The following ROBO2 variants were observed in gnomAD, a reference collection of about 807,000 sequenced individuals.
ROBO2 encodes roundabout homolog 2.
A neutral mutation model predicts 160.8 loss-of-function variants in ROBO2; 53 were observed. That is an observed-to-expected ratio of 0.33 (90% CI 0.26 to 0.41). The LOEUF (loss-of-function observed/expected upper bound fraction) is 0.41. Ranked by LOEUF, ROBO2 falls within the 10% of genes least tolerant of loss-of-function variation. ROBO2 has a pLI of 1.00. For missense variants in ROBO2, 1,577 were observed against 1,722.4 expected (o/e 0.92, Z 1.49); for synonymous variants, 664 against 611.7 (o/e 1.09, Z -1.26).
chr3:76,609,541 A>G (rs1475878943), intron 2 of ROBO2, among the ~76,000 whole-genome samples: 2 of 152,090 alleles, frequency 1.3e-5, no homozygotes, highest in East Asian at 3.9e-4. Context: ...GGCATATAGA[A>G]ATGCTACTGA....
At chr3:76,941,928 C>A (rs1028794040) in intron 2 of ROBO2, among the ~76,000 whole-genome samples, 2 of 152,080 alleles carry the variant, frequency 1.3e-5, no homozygotes, top group Non-Finnish European at 2.9e-5. Context: ...AAAGTGAATT[C>A]TCTTAGCCTA....
intron 2 of ROBO2, among the ~76,000 whole-genome samples, chr3:76,918,818 C>T (rs1488503507): frequency 7.9e-5 from 12 of 152,292 alleles, no homozygotes; most frequent in East Asian, 1.9e-4. Context: ...TCCACATCCT[C>T]GCCAGCATTG....
intron 2 of ROBO2, among the ~76,000 whole-genome samples, chr3:76,745,681 A>T (rs1439537691): frequency 6.6e-6 from 1 of 151,988 alleles, no homozygotes; most frequent in African/African-American, 2.4e-5. Flanking sequence ...TTCTTTATAT[A>T]TTGGAGGACA....
intron 2 of ROBO2, among the ~76,000 whole-genome samples, chr3:76,809,589 G>A (rs2065004211): frequency 1.3e-5 from 2 of 152,124 alleles, no homozygotes. Context: ...GCAACTTTAG[G>A]AGTCACAAAA....
intron 2 of ROBO2, among the ~76,000 whole-genome samples, chr3:76,905,009 C>T (rs552292899): frequency 6.6e-6 from 1 of 152,292 alleles, no homozygotes; most frequent in Admixed American, 6.5e-5. Flanking sequence ...AGGAAACATA[C>T]AGGCTACCTC....
chr3:77,493,388 A>C lies in ROBO2; in HGVS notation c.806+6A>C, dbSNP rs554145423. The C allele has an allele frequency of 6.2e-7, 1 of 1,613,980 alleles. No homozygotes were observed. On this transcript the variant is annotated splice_donor_region_variant and intron_variant, in intron 5 of 25. Transcript: ENST00000461745. ...GCAGACTTGCCAAGAGGAAGGTAAG[A>C]CCAACATATGGATGGAAGATTGTTA...
At chr3:76,565,380 C>A (rs535837285) in intron 2 of ROBO2, among the ~76,000 whole-genome samples, 8 of 152,200 alleles carry the variant, frequency 5.3e-5, no homozygotes, top group African/African-American at 1.9e-4. Flanking sequence ...CACTGACATA[C>A]GATAGCCACA....
chr3:76,428,697 T>C (rs762604885), intron 2 of ROBO2, among the ~76,000 whole-genome samples: 2 of 152,174 alleles, frequency 1.3e-5, no homozygotes, highest in African/African-American at 2.4e-5. Flanking sequence ...TATATTAGAT[T>C]TGGTTTTACA....
chr3:77,627,465 A>G (rs1164760142), intron 23 of ROBO2, among the ~76,000 whole-genome samples: 1 of 150,952 alleles, frequency 6.6e-6, no homozygotes, highest in African/African-American at 2.4e-5. Context: ...TTGTATTTTT[A>G]GTAGATACGG....
chr3:76,760,768 CA>C (rs2061261538), intron 2 of ROBO2, among the ~76,000 whole-genome samples: 1 of 151,644 alleles, frequency 6.6e-6, no homozygotes, highest in African/African-American at 2.4e-5. Context: ...TAGCTGATAA[CA>C]AACATGATAT....
At chr3:76,133,923 G>T (rs946467549) in intron 2 of ROBO2, among the ~76,000 whole-genome samples, 1 of 151,970 alleles carries the variant, frequency 6.6e-6, no homozygotes, top group African/African-American at 2.4e-5. Context: ...GCACTACTTT[G>T]CATCCTTCAG....
At chr3:77,399,876 A>G (rs1267686660) in intron 2 of ROBO2, among the ~76,000 whole-genome samples, 1 of 152,176 alleles carries the variant, frequency 6.6e-6, no homozygotes, top group East Asian at 1.9e-4. Context: ...CCTAACTCAC[A>G]CAGCTCTAGG....
chr3:76,690,535 C>A (rs760616619), intron 2 of ROBO2, among the ~76,000 whole-genome samples: 24 of 152,144 alleles, frequency 1.6e-4, no homozygotes, highest in East Asian at 3.9e-4. Flanking sequence ...AACTTCCCAG[C>A]CCCAGAACTG....
chr3:76,175,904 C>T (rs2073212378), intron 2 of ROBO2, among the ~76,000 whole-genome samples: 1 of 152,086 alleles, frequency 6.6e-6, no homozygotes, highest in South Asian at 2.1e-4. Flanking sequence ...GTTTTTCTTT[C>T]CACCTTTTAG....
intron 2 of ROBO2, among the ~76,000 whole-genome samples, chr3:76,175,379 G>A (rs1217374930): frequency 1.3e-5 from 2 of 151,790 alleles, no homozygotes; most frequent in Non-Finnish European, 2.9e-5. Context: ...CATGCTAATT[G>A]TTTTAAGCTT....
chr3:75,997,339 A>G (rs2065757675), intron 2 of ROBO2, among the ~76,000 whole-genome samples: 1 of 152,194 alleles, frequency 6.6e-6, no homozygotes, highest in South Asian at 2.1e-4. Flanking sequence ...AGTTGAAGTT[A>G]CTTATATTTG....
chr3:76,421,216 A>G (rs1441824888), intron 2 of ROBO2, among the ~76,000 whole-genome samples: 7 of 152,346 alleles, frequency 4.6e-5, no homozygotes, highest in African/African-American at 1.7e-4. Flanking sequence ...GTAACAATAC[A>G]TGAAAATTTC....
intron 2 of ROBO2, among the ~76,000 whole-genome samples, chr3:76,478,283 C>G (rs921780953): frequency 1.3e-5 from 2 of 148,330 alleles, no homozygotes; most frequent in South Asian, 2.1e-4. Context: ...GCGGTGTTTG[C>G]TTTTTTGTTC....
intron 2 of ROBO2, among the ~76,000 whole-genome samples, chr3:76,584,133 C>T (rs2085877422): frequency 1.3e-5 from 2 of 152,094 alleles, no homozygotes; most frequent in African/African-American, 4.8e-5. Context: ...TCTTTACTGC[C>T]TGTCACTCCC....
Sources: allele counts gnomAD v4.1 joint callset (sites outside exome capture counted in the v4.1 genomes callset), GRCh38; gene constraint gnomAD v4.1.1; transcripts MANE v1.5; gene names NCBI Gene and HGNC (gene_info 2026-07-23, HGNC 2026-07-21).